Variants in CCSER1 observed in about 807,000 individuals in gnomAD.
CCSER1 encodes the protein serine-rich coiled-coil domain-containing protein 1.
Under a neutral mutation model 82.0 loss-of-function variants are expected in CCSER1, and 41 were observed. That is an observed-to-expected ratio of 0.50 (90% CI 0.39 to 0.65). The LOEUF is 0.65. Ranked by LOEUF, CCSER1 falls within the 30% of genes least tolerant of loss-of-function variation. The pLI is 0.00. For missense variants in CCSER1, 1,119 were observed against 1,064.2 expected, an observed-to-expected ratio of 1.05 and a Z score of -0.72; for synonymous variants, 414 against 383.9, an observed-to-expected ratio of 1.08 and a Z score of -0.92.
rs143218795 is a variant in CCSER1 at position 91,067,961 on chromosome 4, T to C, written c.2173-17989T>C. On this transcript the variant is annotated intron_variant, in intron 9 of 10. Coordinates refer to ENST00000509176, the MANE Select transcript of CCSER1 (RefSeq NM_001145065.2). The stretch of plus-strand genomic sequence containing the variant: ...ACAGATTTAATTTCAAAATCTATCT[T>C]CTTGACTGGTACATCCTGGCTAACT... Among the ~76,000 whole-genome samples, 104 of 152,316 alleles carry C rather than the reference T, an allele frequency of 6.8e-4. 4 individuals carry two copies. The South Asian group carries it at 0.02, about 29-fold the overall frequency.
chr4:90,545,157 T>G (rs1252744942), intron 5 of CCSER1, among the ~76,000 whole-genome samples: 2 of 152,134 alleles, frequency 1.3e-5, no homozygotes, highest in Non-Finnish European at 2.9e-5. Flanking sequence ...TTATTAAACC[T>G]AGAGAAAGTG....
intron 1 of CCSER1, among the ~76,000 whole-genome samples, chr4:90,173,016 C>T (rs543875009): frequency 6.6e-6 from 1 of 151,746 alleles, no homozygotes; most frequent in African/African-American, 2.4e-5. Flanking sequence ...AGATAAGACC[C>T]TATTTGGCAG....
chr4:91,310,387 C>G (rs1048935304), intron 10 of CCSER1, among the ~76,000 whole-genome samples: 4 of 114,220 alleles, frequency 3.5e-5, no homozygotes, highest in African/African-American at 1.4e-4. Flanking sequence ...AGCTGATGAG[C>G]TAAAACCAAT....
intron 8 of CCSER1, among the ~76,000 whole-genome samples, chr4:90,863,913 G>C (rs1765402335): frequency 6.6e-6 from 1 of 150,970 alleles, no homozygotes; most frequent in Admixed American, 6.6e-5. Flanking sequence ...ATCTGGATCA[G>C]ATTTTTTTCT....
In CCSER1 at chr4:91,435,642, A is replaced by G. The variant is rs113673227; in HGVS notation, c.2218-162930A>G. 6.6e-5 allele frequency among the ~76,000 whole-genome samples: 10 copies of G among 152,280 alleles called. 1 individual carries two copies. Among genetic ancestry groups the G allele is most frequent in the African/African-American group, 1.9e-4 (8 of 41,570 alleles). ...ACAGGAATTTATATGTAGTTCTTTTATATATTTTTTGAAAACTTATGAACT... is the reference window on the plus strand; with the variant it reads ...ACAGGAATTTATATGTAGTTCTTTTGTATATTTTTTGAAAACTTATGAACT... On this transcript the variant is annotated intron_variant, in intron 10 of 10. Coordinates refer to ENST00000509176, the MANE Select transcript of CCSER1 (RefSeq NM_001145065.2).
At position 90,135,817 on chromosome 4, in the gene CCSER1, C is replaced by CA. The variant is rs572132850; in HGVS notation, c.-42+7991dup. ...TTATAGAGTTGAAGTCCGTCAGTTTCAAAAATAATCATGCACCTCTTATTG... is the reference window on the plus strand; with the variant it reads ...TTATAGAGTTGAAGTCCGTCAGTTTCAAAAAATAATCATGCACCTCTTATTG... On this transcript the variant is annotated intron_variant, in intron 1 of 10. Coordinates refer to ENST00000509176, the MANE Select transcript of CCSER1 (RefSeq NM_001145065.2). 3.3e-4 allele frequency among the ~76,000 whole-genome samples: 51 copies of CA among 152,252 alleles called. No individual in the cohort carries two copies. The East Asian group carries it at 9.4e-3, about 28-fold the overall frequency.
intron 9 of CCSER1, among the ~76,000 whole-genome samples, chr4:91,011,953 G>A (rs1232394207): frequency 3.7e-5 from 5 of 134,908 alleles, no homozygotes; most frequent in African/African-American, 1.2e-4. Context: ...TTAGACTCTA[G>A]GGAGATAATA....
chr4:91,246,819 T>TACACACACACAC (rs1221506915), intron 10 of CCSER1, among the ~76,000 whole-genome samples: 4 of 115,280 alleles, frequency 3.5e-5, no homozygotes, highest in African/African-American at 1.1e-4. Context: ...CATACACACA[T>TACACACACACAC]ACACACATAC....
At chr4:91,117,517 G>A (rs935125700) in intron 10 of CCSER1, among the ~76,000 whole-genome samples, 5 of 152,216 alleles carry the variant, frequency 3.3e-5, no homozygotes, top group African/African-American at 1.2e-4. Flanking sequence ...TGGATGAATA[G>A]AATTACTTTA....
At chr4:90,173,414 G>C (rs766767573) in intron 1 of CCSER1, among the ~76,000 whole-genome samples, 43 of 151,498 alleles carry the variant, frequency 2.8e-4, no homozygotes, top group Non-Finnish European at 5.9e-4. Flanking sequence ...TTGCTGTAAT[G>C]ACCAGACAGT....
chr4:91,373,320 G>A (rs1750169300), intron 10 of CCSER1, among the ~76,000 whole-genome samples: 1 of 151,976 alleles, frequency 6.6e-6, no homozygotes, highest in Admixed American at 6.6e-5. Context: ...TTGAAGGTTT[G>A]TATCAACCCC....
At chr4:91,589,588 T>TA (rs1553959371) in intron 10 of CCSER1, among the ~76,000 whole-genome samples, 4 of 149,236 alleles carry the variant, frequency 2.7e-5, no homozygotes, top group Admixed American at 6.7e-5. Flanking sequence ...TTTTTTTTTT[T>TA]ATGTTTTGCT....
intron 7 of CCSER1, among the ~76,000 whole-genome samples, chr4:90,789,042 TAAC>T (rs1324877712): frequency 6.6e-6 from 1 of 152,030 alleles, no homozygotes; most frequent in Non-Finnish European, 1.5e-5. Context: ...TCAATCTTGT[TAAC>T]AACTATTCTG....
chr4:90,308,587 GA>G lies in CCSER1; in HGVS notation c.306del (p.Lys102AsnfsTer2). ...GAQPGHSNMQ[K>X]LSLEEHIKTR... ...CTCAACCTGGTCACAGCAATATGCAGAAACTGAGTTTGGAAGAACATATTAA... is the reference window on the plus strand; with the variant it reads ...CTCAACCTGGTCACAGCAATATGCAGAACTGAGTTTGGAAGAACATATTAA... On this transcript the variant is annotated frameshift_variant, in exon 2 of 11. Coordinates refer to ENST00000509176, the MANE Select transcript of CCSER1 (RefSeq NM_001145065.2). LOFTEE classifies it high-confidence loss of function. 1.2e-6 allele frequency: 2 copies of G among 1,613,890 alleles called. No individual in the cohort carries two copies. The highest frequency in any genetic ancestry group is 1.7e-6 in the Non-Finnish European group (2 of 1,179,844).
At chr4:91,349,846 T>C (rs1244302659) in intron 10 of CCSER1, among the ~76,000 whole-genome samples, 1 of 152,024 alleles carries the variant, frequency 6.6e-6, no homozygotes, top group East Asian at 1.9e-4. Flanking sequence ...AATTTGTCAA[T>C]TACAGTTTAG....
At chr4:90,897,172 G>T (rs949858953) in intron 8 of CCSER1, among the ~76,000 whole-genome samples, 1 of 151,696 alleles carries the variant, frequency 6.6e-6, no homozygotes, top group Non-Finnish European at 1.5e-5. Flanking sequence ...TCTTTTGCAG[G>T]TTTGTTACAT....
intron 10 of CCSER1, among the ~76,000 whole-genome samples, chr4:91,523,196 A>C (rs1760586221): frequency 6.6e-6 from 1 of 152,198 alleles, no homozygotes. Context: ...GCATATGTTG[A>C]ACCAGCCTTG....
intron 10 of CCSER1, among the ~76,000 whole-genome samples, chr4:91,146,026 T>C (rs899117270): frequency 6.6e-5 from 10 of 152,184 alleles, no homozygotes; most frequent in African/African-American, 2.4e-4. Flanking sequence ...CCAAGTGGCC[T>C]ACTACTCTCT....
At chr4:91,103,268 G>A (rs973921002) in intron 10 of CCSER1, among the ~76,000 whole-genome samples, 6 of 152,028 alleles carry the variant, frequency 3.9e-5, no homozygotes, top group East Asian at 1.9e-4. Flanking sequence ...GCCATTGGTC[G>A]TCACTCAGCC....
Sources: allele counts gnomAD v4.1 joint callset (sites outside exome capture counted in the v4.1 genomes callset), GRCh38; gene constraint gnomAD v4.1.1; transcripts MANE v1.5; gene names NCBI Gene and HGNC (gene_info 2026-07-23, HGNC 2026-07-21).